The following PSAT1 variants were observed in gnomAD, a reference collection of about 807,000 sequenced individuals.
PSAT1 encodes the protein phosphoserine aminotransferase.
In PSAT1, 41 loss-of-function variants were observed where a neutral mutation model predicts 40.3. The observed-to-expected ratio is 1.02, with a 90% CI of 0.79 to 1.32. PSAT1 has a LOEUF of 1.32. Among genes scored for constraint, PSAT1 ranks in the 40% most tolerant of loss-of-function variants. The pLI is 0.00. For missense variants in PSAT1, 406 were observed against 455.8 expected (o/e 0.89, Z 0.99); for synonymous variants, 147 against 170.5 (o/e 0.86, Z 1.07).
intron 6 of PSAT1, among the ~76,000 whole-genome samples, chr9:78,314,023 G>A (rs1828304693): frequency 6.6e-6 from 1 of 152,244 alleles, no homozygotes; most frequent in South Asian, 2.1e-4. Flanking sequence ...AATAGGCAGA[G>A]TTAGGAACCC....
At chr9:78,319,693 A>G (rs1828399004) in intron 7 of PSAT1, among the ~76,000 whole-genome samples, 1 of 152,150 alleles carries the variant, frequency 6.6e-6, no homozygotes, top group South Asian at 2.1e-4. Context: ...GAGTGAAGAG[A>G]GGGCTTTTGC....
intron 6 of PSAT1, among the ~76,000 whole-genome samples, chr9:78,310,616 ATTTT>A (rs61004589): frequency 2.1e-5 from 3 of 145,982 alleles, no homozygotes; most frequent in African/African-American, 7.6e-5. Flanking sequence ...AAAGGAAAGA[ATTTT>A]TTTTTTTTTT....
chr9:78,307,611 A>T (rs1828203901), intron 5 of PSAT1, among the ~76,000 whole-genome samples: 1 of 152,200 alleles, frequency 6.6e-6, no homozygotes, highest in South Asian at 2.1e-4. Flanking sequence ...CAACAGAATT[A>T]CCTAAAGTAC....
At chr9:78,299,222 A>AAAC (rs5898579) in intron 1 of PSAT1, among the ~76,000 whole-genome samples, 1 of 149,348 alleles carries the variant, frequency 6.7e-6, no homozygotes, top group Non-Finnish European at 1.5e-5. Context: ...AAAAAAAAAA[A>AAAC]CCTACTGGAT....
chr9:78,319,495 G>T, intron 7 of PSAT1, among the ~76,000 whole-genome samples: 1 of 152,254 alleles, frequency 6.6e-6, no homozygotes, highest in East Asian at 1.9e-4. Context: ...GCAAGTGCAG[G>T]CTGGGGGCTC....
chr9:78,324,358 G>A (rs1313503279), intron 7 of PSAT1, among the ~76,000 whole-genome samples: 1 of 152,034 alleles, frequency 6.6e-6, no homozygotes, highest in Non-Finnish European at 1.5e-5. Context: ...AAGATGTTGG[G>A]AAGTGCGGCT....
intron 7 of PSAT1, among the ~76,000 whole-genome samples, chr9:78,327,113 G>A (rs948730478): frequency 2.3e-4 from 34 of 149,094 alleles, no homozygotes; most frequent in Admixed American, 1.1e-3. Context: ...GTGCCAGCAC[G>A]CCCAGCTAAT....
intron 6 of PSAT1, among the ~76,000 whole-genome samples, chr9:78,313,220 C>G (rs939467821): frequency 6.6e-6 from 1 of 151,916 alleles, no homozygotes; most frequent in African/African-American, 2.4e-5. Context: ...ACAAAAATTA[C>G]CCGGGCGTAG....
chr9:78,297,574 G>A (rs113416878), intron 1 of PSAT1, among the ~76,000 whole-genome samples: 1 of 152,254 alleles, frequency 6.6e-6, no homozygotes, highest in Admixed American at 6.5e-5. Flanking sequence ...CGCACCTGCA[G>A]ACGCCCGGGC....
At chr9:78,322,238 T>C (rs1828438897) in intron 7 of PSAT1, among the ~76,000 whole-genome samples, 1 of 151,742 alleles carries the variant, frequency 6.6e-6, no homozygotes, top group South Asian at 2.1e-4. Context: ...TACCAGGCCT[T>C]AGGAAAGAGA....
intron 7 of PSAT1, among the ~76,000 whole-genome samples, chr9:78,319,196 T>C (rs1828392645): frequency 6.6e-6 from 1 of 152,160 alleles, no homozygotes; most frequent in South Asian, 2.1e-4. Flanking sequence ...TAACTTAGGA[T>C]TGTACTTTTT....
chr9:78,299,144 C>CAAAAAAA (rs71360679), intron 1 of PSAT1, among the ~76,000 whole-genome samples: 4 of 87,288 alleles, frequency 4.6e-5, no homozygotes, highest in Non-Finnish European at 6.2e-5. Flanking sequence ...TGTCTCTTAA[C>CAAAAAAA]AAAAAAAAAA....
At chr9:78,320,268 T>C (rs1466274783) in intron 7 of PSAT1, among the ~76,000 whole-genome samples, 1 of 150,058 alleles carries the variant, frequency 6.7e-6, no homozygotes, top group Admixed American at 6.6e-5. Flanking sequence ...CACCCATTCA[T>C]CCATCCATCC....
chr9:78,315,241 G>A (rs992470381), intron 6 of PSAT1, among the ~76,000 whole-genome samples: 3 of 152,166 alleles, frequency 2.0e-5, no homozygotes, highest in African/African-American at 7.2e-5. Flanking sequence ...ATACTTGTGG[G>A]AAGAGCTTGC....
intron 3 of PSAT1, among the ~76,000 whole-genome samples, chr9:78,303,326 G>T (rs868831150): frequency 6.6e-6 from 1 of 152,100 alleles, no homozygotes; most frequent in Non-Finnish European, 1.5e-5. Flanking sequence ...GGCTTCTCTC[G>T]TCCATTGGCC....
intron 2 of PSAT1, among the ~76,000 whole-genome samples, chr9:78,301,555 T>G (rs745503292): frequency 2.6e-5 from 4 of 152,218 alleles, no homozygotes; most frequent in Non-Finnish European, 4.4e-5. Context: ...TCCTGTTGGT[T>G]TGGGACATAT....
Position 78,304,847 on chromosome 9 carries a change from G to A in PSAT1, c.304G>A (p.Val102Met), listed in dbSNP as rs1354203523. ...GAAAGCAGGAAGGTGTGCTGACTAT[G>A]TGGTGACAGGAGCTTGGTCAGCTAA... is the stretch of plus-strand genomic sequence containing the variant. ...GLKAGRCADY[V>M]VTGAWSAKAA... The change falls in exon 4 of 9, where the codon GTG becomes ATG. Residue 102 changes from valine to methionine, a missense_variant. Val to Met is a conservative substitution (Grantham distance 21, BLOSUM62 1). Coordinates refer to ENST00000376588, the MANE Select transcript of PSAT1 (RefSeq NM_058179.4). 1.2e-6 allele frequency: 2 copies of A among 1,614,044 alleles called. No individual in the cohort carries two copies. Among genetic ancestry groups the A allele is most frequent in the Admixed American group, 1.7e-5 (1 of 60,014 alleles).
rs118203967 is a variant in PSAT1, at chr9:78,304,842, A to C, written c.299A>C (p.Asp100Ala). ...GGCTTGAAAGCAGGAAGGTGTGCTG[A>C]CTATGTGGTGACAGGAGCTTGGTCA... ...LIGLKAGRCA[D>A]YVVTGAWSAK... The change falls in exon 4 of 9, where the codon GAC becomes GCC. Residue 100 changes from aspartate (D) to alanine (A), a missense_variant. Asp to Ala is a moderately radical substitution (Grantham distance 126, BLOSUM62 -2). Coordinates refer to ENST00000376588, the MANE Select transcript of PSAT1 (RefSeq NM_058179.4). 23 of 1,614,062 alleles carry C rather than the reference A, an allele frequency of 1.4e-5. No individual in the cohort carries two copies. Among genetic ancestry groups the C allele is most frequent in the Non-Finnish European group, 1.8e-5 (21 of 1,180,028 alleles).
chr9:78,328,894 C>A, intron 8 of PSAT1, 87 bp from the exon 9 acceptor site: 1 of 1,047,736 alleles, frequency 9.5e-7, no homozygotes, highest in Non-Finnish European at 1.5e-6. Flanking sequence ...GGTGCTGCAA[C>A]TCTCAGGAGC....
Sources: gnomAD v4.1 joint callset for allele counts (sites outside exome capture counted in the v4.1 genomes callset) on GRCh38, gnomAD v4.1.1 for gene constraint, MANE v1.5 for transcripts, NCBI Gene and HGNC (gene_info 2026-07-23, HGNC 2026-07-21) for gene names.